THSD7B: variants seen among roughly 807,000 people sequenced by gnomAD.
The protein encoded by THSD7B is thrombospondin type 1 domain containing 7B, also known as thrombospondin type-1 domain-containing protein 7B.
A neutral mutation model predicts 213.6 loss-of-function variants in THSD7B; 138 were observed. That is an observed-to-expected ratio of 0.65 (90% CI 0.56 to 0.74). The LOEUF (loss-of-function observed/expected upper bound fraction) is 0.74, where lower values mean the gene tolerates loss of function less well. Ranked by LOEUF, THSD7B falls within the 30% of genes least tolerant of loss-of-function variation. The pLI, the probability that THSD7B is intolerant of heterozygous loss-of-function variation, is 0.00. For missense variants in THSD7B, 1,931 were observed against 1,991.5 expected, an observed-to-expected ratio of 0.97 and a Z score of 0.58; for synonymous variants, 742 against 687.0, an observed-to-expected ratio of 1.08 and a Z score of -1.25.
chr2:137,511,430 A>C (rs563403470), intron 15 of THSD7B, among the ~76,000 whole-genome samples: 1 of 152,316 alleles, frequency 6.6e-6, no homozygotes, highest in Admixed American at 6.5e-5. Flanking sequence ...AGTTACTTTC[A>C]TGTCAGTTTC....
intron 15 of THSD7B, among the ~76,000 whole-genome samples, chr2:137,485,377 C>T (rs1295854326): frequency 1.3e-5 from 2 of 151,888 alleles, no homozygotes; most frequent in African/African-American, 4.8e-5. Context: ...TTCCATTGAT[C>T]TATATCTCTG....
At chr2:136,794,400 AT>A (rs1682024244) in intron 1 of THSD7B, among the ~76,000 whole-genome samples, 1 of 151,592 alleles carries the variant, frequency 6.6e-6, no homozygotes, top group Non-Finnish European at 1.5e-5. Flanking sequence ...AATATATTAT[AT>A]TTTTATCTTC....
chr2:137,385,807 T>C (rs1227720933), intron 12 of THSD7B, among the ~76,000 whole-genome samples: 1 of 152,232 alleles, frequency 6.6e-6, no homozygotes, highest in East Asian at 1.9e-4. Flanking sequence ...AATTCTTTAA[T>C]GAAATCTTGG....
At chr2:137,225,391 A>G (rs1681473572) in intron 7 of THSD7B, among the ~76,000 whole-genome samples, 1 of 152,240 alleles carries the variant, frequency 6.6e-6, no homozygotes, top group African/African-American at 2.4e-5. Context: ...TGAATTGTGT[A>G]GAGTCCCTTA....
intron 3 of THSD7B, among the ~76,000 whole-genome samples, chr2:137,059,770 A>C (rs1687236219): frequency 6.6e-6 from 1 of 152,230 alleles, no homozygotes; most frequent in Middle Eastern, 3.4e-3. Flanking sequence ...TTGTTCATTC[A>C]CCTACTGAAG....
intron 12 of THSD7B, among the ~76,000 whole-genome samples, chr2:137,294,286 T>G (rs1268542685): frequency 6.6e-6 from 1 of 152,016 alleles, no homozygotes; most frequent in Non-Finnish European, 1.5e-5. Flanking sequence ...CAATAAGATA[T>G]TTTGAAAGAG....
chr2:136,918,157 C>A (rs370172368), intron 2 of THSD7B, among the ~76,000 whole-genome samples: 3 of 152,160 alleles, frequency 2.0e-5, no homozygotes, highest in African/African-American at 7.2e-5. Flanking sequence ...TTATACAAAC[C>A]TTTTAGTTTG....
intron 12 of THSD7B, among the ~76,000 whole-genome samples, chr2:137,360,244 C>T (rs927466907): frequency 2.0e-5 from 3 of 152,080 alleles, no homozygotes; most frequent in Non-Finnish European, 4.4e-5. Flanking sequence ...GCTTTGAGGT[C>T]CATTCCAAGA....
chr2:137,533,913 T>C (rs2105183083), intron 15 of THSD7B, among the ~76,000 whole-genome samples: 1 of 151,906 alleles, frequency 6.6e-6, no homozygotes, highest in East Asian at 2.0e-4. Context: ...GCAACTACAA[T>C]CTTAGGGGCT....
chr2:137,431,207 A>T (rs746991861), intron 14 of THSD7B, among the ~76,000 whole-genome samples: 125 of 152,316 alleles, frequency 8.2e-4, no homozygotes, highest in Non-Finnish European at 1.4e-3. Context: ...AGAAAGTGAG[A>T]CAACTCAAAG....
At chr2:137,544,777 G>A (rs1680676539) in intron 15 of THSD7B, among the ~76,000 whole-genome samples, 1 of 151,526 alleles carries the variant, frequency 6.6e-6, no homozygotes, top group African/African-American at 2.4e-5. Context: ...TCAATGTAGG[G>A]CACTTTATAT....
chr2:137,551,914 C>T (rs553395863), intron 15 of THSD7B, among the ~76,000 whole-genome samples: 22 of 152,178 alleles, frequency 1.4e-4, no homozygotes, highest in African/African-American at 5.3e-4. Context: ...TGACCCAGGA[C>T]CACTGGACCT....
In THSD7B at chr2:137,618,475, G is replaced by A. The variant is rs375133517; in HGVS notation, c.3649G>A (p.Gly1217Ser). The change falls in exon 19 of 28, where the codon GGC becomes AGC. Residue 1217 changes from glycine (G) to serine (S), a missense_variant. Coordinates refer to ENST00000409968, the MANE Select transcript of THSD7B (RefSeq NM_001316349.2). ...TRLLSCVCSD[G>S]KPVSMDQCEQ... is the part of the protein sequence containing the mutation. ...CCTGCTAAGCTGTGTGTGCAGTGAT[G>A]GCAAGCCAGTCAGCATGGACCAATG... 3 of 1,613,704 alleles carry A rather than the reference G, an allele frequency of 1.9e-6. No homozygotes were observed. Among genetic ancestry groups the A allele is most frequent in the African/African-American group, 1.3e-5 (1 of 74,914 alleles).
chr2:137,409,782 A>G (rs893990047), intron 13 of THSD7B, among the ~76,000 whole-genome samples: 1 of 152,208 alleles, frequency 6.6e-6, no homozygotes, highest in Non-Finnish European at 1.5e-5. Flanking sequence ...ACAAAAAGAT[A>G]TGTTACGATG....
At chr2:137,105,820 T>C (rs1326601189) in intron 4 of THSD7B, among the ~76,000 whole-genome samples, 1 of 152,158 alleles carries the variant, frequency 6.6e-6, no homozygotes, top group African/African-American at 2.4e-5. Context: ...GTAAAATACC[T>C]AGGAATACAA....
Position 137,437,311 on chromosome 2 carries a change from C to T in THSD7B, c.2960-13534C>T, listed in dbSNP as rs144975555. ...TAATGATGTTGTCTCCCACTCCCCC[C>T]ATGCATTACCATTATTGTCTAAACA... On this transcript the variant is annotated intron_variant, in intron 14 of 27. Coordinates refer to ENST00000409968, the MANE Select transcript of THSD7B (RefSeq NM_001316349.2). Among the ~76,000 whole-genome samples, 875 of 152,228 alleles carry T rather than the reference C, an allele frequency of 5.7e-3. 8 individuals carry two copies. The highest frequency in any genetic ancestry group is 0.019 in the African/African-American group (788 of 41,544).
rs534246021 is a variant in THSD7B, at chr2:137,122,182, G to T, written c.1369+6889G>T. Among the ~76,000 whole-genome samples the T allele has an allele frequency of 2.6e-5, 4 of 152,242 alleles. No homozygotes were observed. In the East Asian group the frequency reaches 7.7e-4, roughly 29 times the overall value. On this transcript the variant is annotated intron_variant, in intron 5 of 27. Transcript: ENST00000409968. The stretch of plus-strand genomic sequence containing the variant: ...AAATATATCCCTCTGTTGTTTTAAA[G>T]AGGAAAAAGTTTATAGAAGCCATGA...
chr2:137,607,198 A>G (rs7594386), intron 17 of THSD7B, among the ~76,000 whole-genome samples: 33,733 of 147,820 alleles, frequency 0.23, 4,455 homozygotes, highest in African/African-American at 0.37. Context: ...TATTTCTCTC[A>G]TTGAAAAAAT....
Position 137,405,758 on chromosome 2 carries a change from C to G in THSD7B, c.2646C>G (p.Pro882=). ...TCACTGCTTGGTCCAAGTTTACGCC[C>G]TGCTCCACGAACTGTGAAGCCACAA... ...CTFTAWSKFT[P]CSTNCEATKS... The change falls in exon 13 of 28, where the codon CCC becomes CCG. Residue 882 remains proline, a synonymous_variant. Coordinates refer to ENST00000409968, the MANE Select transcript of THSD7B (RefSeq NM_001316349.2). 1 of 1,613,550 alleles carries G rather than the reference C, an allele frequency of 6.2e-7. No homozygotes were observed. Among genetic ancestry groups the G allele is most frequent in the African/African-American group, 1.3e-5 (1 of 75,028 alleles).
Sources: allele counts gnomAD v4.1 joint callset (sites outside exome capture counted in the v4.1 genomes callset), GRCh38; gene constraint gnomAD v4.1.1; transcripts MANE v1.5; gene names NCBI Gene and HGNC (gene_info 2026-07-23, HGNC 2026-07-21).